Variants in TTC7A observed in about 807,000 individuals in gnomAD.
TTC7A encodes the protein tetratricopeptide repeat domain 7A, also known as tetratricopeptide repeat protein 7A.
In TTC7A, 110 loss-of-function variants were observed where a neutral mutation model predicts 103.7. The observed-to-expected ratio is 1.06, with a 90% CI of 0.91 to 1.24. The LOEUF (loss-of-function observed/expected upper bound fraction) is 1.24, where lower values mean the gene tolerates loss of function less well. Among genes scored for constraint, TTC7A ranks in the 50% most tolerant of loss-of-function variants. The probability of loss-of-function intolerance (pLI) is 0.00; values close to 1 mark genes in which losing one functional copy is unlikely to be tolerated. For synonymous variants in TTC7A, 521 were observed against 467.9 expected, an observed-to-expected ratio of 1.11 and a Z score of -1.47; for missense variants, 1,340 against 1,116.3, an observed-to-expected ratio of 1.20 and a Z score of -2.86.
At chr2:46,985,183 A>C (rs1430812558) in intron 5 of TTC7A, among the ~76,000 whole-genome samples, 4 of 147,280 alleles carry the variant, frequency 2.7e-5, no homozygotes, top group African/African-American at 7.6e-5. Flanking sequence ...CTGTAGCTCC[A>C]CCCCCTCCCT....
rs746064852 is a variant in TTC7A, at chr2:47,047,300, CA to C, written c.1919+870del. The C allele has an allele frequency of 4.1e-5, 64 of 1,549,870 alleles. No individual in the cohort carries two copies. The highest frequency in any genetic ancestry group is 7.1e-5 in the South Asian group (6 of 84,046). On this transcript the variant is annotated intron_variant, in intron 16 of 19. Coordinates refer to ENST00000319190, the MANE Select transcript of TTC7A (RefSeq NM_020458.4). Reference sequence around the variant, plus strand: ...GAGCCCAGAAGGCTTCCAGACTCCCCAGAGGAACATCTGTAACAGTGAAATT... The same window carrying C: ...GAGCCCAGAAGGCTTCCAGACTCCCCGAGGAACATCTGTAACAGTGAAATT...
intron 5 of TTC7A, among the ~76,000 whole-genome samples, chr2:46,985,605 A>G (rs926949547): frequency 1.3e-5 from 2 of 152,228 alleles, no homozygotes; most frequent in Non-Finnish European, 2.9e-5. Context: ...ATTTTACTGA[A>G]GAAAGGAGAG....
chr2:46,989,835 T>TGC (rs1675433616), intron 5 of TTC7A, among the ~76,000 whole-genome samples: 1 of 151,660 alleles, frequency 6.6e-6, no homozygotes, highest in Non-Finnish European at 1.5e-5. Flanking sequence ...TGTGTGTGTG[T>TGC]GTGTGCATCT....
chr2:46,948,022 A>G (rs938432720), intron 1 of TTC7A, among the ~76,000 whole-genome samples: 5 of 152,218 alleles, frequency 3.3e-5, no homozygotes, highest in African/African-American at 1.2e-4. Flanking sequence ...AAAGTACCCA[A>G]CCAAACAGCT....
At chr2:47,012,834 C>G (rs1184457209) in intron 11 of TTC7A, among the ~76,000 whole-genome samples, 1 of 152,182 alleles carries the variant, frequency 6.6e-6, no homozygotes, top group Non-Finnish European at 1.5e-5. Flanking sequence ...TCTCAGATCC[C>G]TGTGTCTGAA....
intron 3 of TTC7A, chr2:46,958,631 G>T: frequency 9.4e-7 from 1 of 1,061,694 alleles, no homozygotes; most frequent in Non-Finnish European, 1.3e-6. Flanking sequence ...ACTGCACATG[G>T]CCTCCCCTTT....
At chr2:47,047,181 C>T in intron 16 of TTC7A, 1 of 771,932 alleles carries the variant, frequency 1.3e-6, no homozygotes, top group Non-Finnish European at 2.2e-6. Flanking sequence ...TCCTGATCCT[C>T]TTGTCCTTCT....
chr2:46,975,042 T>G lies in TTC7A; in HGVS notation c.587T>G (p.Val196Gly). Residue 196 changes from valine to glycine, a missense_variant, in exon 4 of 20, where the codon GTG (valine) becomes GGG (glycine). Transcript: ENST00000319190. ...RFRLTEREEEVITCFERASWI... is the reference protein window; with the variant it reads ...RFRLTEREEEGITCFERASWI... ...CGCCTGACAGAGAGGGAGGAGGAAG[T>G]GATCACCTGTTTTGAGAGGGCCTCC... The G allele has an allele frequency of 6.2e-7, 1 of 1,614,064 alleles. No homozygotes were observed. The highest frequency in any genetic ancestry group is 2.2e-5 in the East Asian group (1 of 44,878).
chr2:47,071,939 C>T (rs529533279), intron 19 of TTC7A, among the ~76,000 whole-genome samples: 1 of 152,396 alleles, frequency 6.6e-6, no homozygotes, highest in African/African-American at 2.4e-5. Flanking sequence ...CCTTGCCGGC[C>T]TTTCCCTTCT....
chr2:47,068,542 C>A (rs1349681590), intron 19 of TTC7A: 1 of 152,048 alleles, frequency 6.6e-6, no homozygotes, highest in African/African-American at 2.4e-5. Context: ...CCAGTGCTGC[C>A]TGAGGTCACA....
At chr2:47,022,035 G>A in intron 12 of TTC7A, 56 bp downstream of exon 12, 1 of 1,315,776 alleles carries the variant, frequency 7.6e-7, no homozygotes, top group Non-Finnish European at 1.1e-6. Context: ...CTTCCTAACT[G>A]CCTCAGAGGC....
chr2:46,981,767 C>T (rs554083416), intron 5 of TTC7A, among the ~76,000 whole-genome samples: 62 of 152,370 alleles, frequency 4.1e-4, no homozygotes, highest in African/African-American at 1.4e-3. Flanking sequence ...GCAGCTTTTC[C>T]ATCTAGCAGG....
intron 3 of TTC7A, among the ~76,000 whole-genome samples, chr2:46,966,414 A>G (rs191816490): frequency 3.3e-5 from 5 of 152,318 alleles, no homozygotes; most frequent in Admixed American, 2.6e-4. Flanking sequence ...ATAGGATTAT[A>G]TATGCTTTTA....
chr2:46,963,444 C>T (rs1026518999), intron 3 of TTC7A, among the ~76,000 whole-genome samples: 6 of 152,214 alleles, frequency 3.9e-5, no homozygotes, highest in Admixed American at 1.3e-4. Flanking sequence ...GCATTCCAGC[C>T]GGTAGTGCTG....
intron 3 of TTC7A, among the ~76,000 whole-genome samples, chr2:46,958,815 G>T (rs977200025): frequency 1.3e-5 from 2 of 152,208 alleles, no homozygotes; most frequent in Admixed American, 1.3e-4. Flanking sequence ...GTCTTCCCAT[G>T]CAGAGTAGAG....
At chr2:47,025,079 G>A (rs1679742261) in intron 14 of TTC7A, among the ~76,000 whole-genome samples, 17 of 152,248 alleles carry the variant, frequency 1.1e-4, no homozygotes, top group Admixed American at 1.1e-3. Context: ...ACTGCCTGGG[G>A]ATTGCAGACA....
chr2:47,025,544 G>C (rs1679807513), intron 14 of TTC7A, among the ~76,000 whole-genome samples: 1 of 152,222 alleles, frequency 6.6e-6, no homozygotes, highest in East Asian at 1.9e-4. Flanking sequence ...TCTCAGTGCT[G>C]GGACCCCTTC....
chr2:46,921,631 A>C (rs1669107352), intron 2 of TTC7A, among the ~76,000 whole-genome samples: 1 of 152,336 alleles, frequency 6.6e-6, no homozygotes, highest in Admixed American at 6.5e-5. Flanking sequence ...ATCAACAAAA[A>C]AAGGATCTGT....
At chr2:47,067,751 A>ATG (rs1684300962) in intron 19 of TTC7A, 2 of 152,198 alleles carry the variant, frequency 1.3e-5, no homozygotes, top group Non-Finnish European at 2.9e-5. Flanking sequence ...GGCTGTTGTT[A>ATG]GAATTAGGTT....
Sources: allele counts gnomAD v4.1 joint callset (sites outside exome capture counted in the v4.1 genomes callset), GRCh38; gene constraint gnomAD v4.1.1; transcripts MANE v1.5; gene names NCBI Gene and HGNC (gene_info 2026-07-23, HGNC 2026-07-21).